The following SUGCT variants were observed in gnomAD, a reference collection of about 807,000 sequenced individuals.
The protein encoded by SUGCT is succinyl-CoA:glutarate-CoA transferase.
In SUGCT, 41 loss-of-function variants were observed where a neutral mutation model predicts 55.0. The ratio of observed to expected loss-of-function variants is 0.74; its 90% CI spans 0.58 to 0.97. The LOEUF (loss-of-function observed/expected upper bound fraction) is 0.97, where lower values mean the gene tolerates loss of function less well. Among genes scored for constraint, SUGCT ranks in the 50% least tolerant of loss-of-function variants. The pLI, the probability that SUGCT is intolerant of heterozygous loss-of-function variation, is 0.00. For synonymous variants in SUGCT, 187 were observed against 200.4 expected (o/e 0.93, Z 0.56); for missense variants, 568 against 547.8 (o/e 1.04, Z -0.37).
the SUGCT span, among the ~76,000 whole-genome samples, chr7:41,001,223 A>T: frequency 6.6e-6 from 1 of 152,232 alleles, no homozygotes. Flanking sequence ...TGGCACTTCA[A>T]CATTTAAGGT....
chr7:40,191,085 C>T (rs565340257), intron 5 of SUGCT, among the ~76,000 whole-genome samples: 10 of 152,270 alleles, frequency 6.6e-5, no homozygotes, highest in South Asian at 4.1e-4. Flanking sequence ...GGCGCGATCT[C>T]GGCTCACTGC....
chr7:40,254,502 A>G (rs949029505), intron 7 of SUGCT, among the ~76,000 whole-genome samples: 3 of 151,848 alleles, frequency 2.0e-5, no homozygotes, highest in African/African-American at 7.2e-5. Context: ...GATTCAAGCA[A>G]TTCTCCTGTC....
downstream of SUGCT, among the ~76,000 whole-genome samples, chr7:40,861,693 T>C (rs1288992039): frequency 6.6e-6 from 1 of 152,274 alleles, no homozygotes; most frequent in Non-Finnish European, 1.5e-5. Context: ...GCCTAAGATG[T>C]TTCTAGAATG....
chr7:40,295,042 T>C (rs1352551837), intron 8 of SUGCT, among the ~76,000 whole-genome samples: 1 of 152,182 alleles, frequency 6.6e-6, no homozygotes, highest in Non-Finnish European at 1.5e-5. Flanking sequence ...TTGAAATGTG[T>C]AACAGATATA....
chr7:40,942,219 T>G, the SUGCT span, among the ~76,000 whole-genome samples: 1 of 152,182 alleles, frequency 6.6e-6, no homozygotes, highest in South Asian at 2.1e-4. Context: ...TTTCAAGATT[T>G]AGAATTCCTT....
intron 13 of SUGCT, among the ~76,000 whole-genome samples, chr7:40,834,465 G>A (rs529177090): frequency 3.3e-5 from 5 of 152,270 alleles, no homozygotes; most frequent in African/African-American, 1.2e-4. Flanking sequence ...GGAGCAATGG[G>A]CCACATTAAC....
intron 9 of SUGCT, among the ~76,000 whole-genome samples, chr7:40,377,127 C>CT (rs1784589268): frequency 1.7e-4 from 1 of 5,878 alleles, no homozygotes; most frequent in Non-Finnish European, 6.6e-4. Context: ...TTTCAGCCTT[C>CT]CTCTTTCTTT....
At chr7:40,836,992 T>C (rs1425452908) in intron 13 of SUGCT, among the ~76,000 whole-genome samples, 3 of 152,204 alleles carry the variant, frequency 2.0e-5, no homozygotes, top group Non-Finnish European at 4.4e-5. Flanking sequence ...AATGCCTGTA[T>C]ATTTTTGAAA....
intron 12 of SUGCT, among the ~76,000 whole-genome samples, chr7:40,629,692 T>A (rs1291291238): frequency 6.6e-6 from 1 of 152,114 alleles, no homozygotes; most frequent in Admixed American, 6.5e-5. Flanking sequence ...GTGATGAGAG[T>A]TAATGACTGC....
chr7:40,341,435 G>A (rs568824361), intron 9 of SUGCT, among the ~76,000 whole-genome samples: 111 of 152,288 alleles, frequency 7.3e-4, no homozygotes, highest in African/African-American at 2.6e-3. Context: ...AGTGTAGAAT[G>A]TATGCGCCTG....
chr7:40,303,610 A>G (rs1279684406), intron 8 of SUGCT, among the ~76,000 whole-genome samples: 1 of 151,978 alleles, frequency 6.6e-6, no homozygotes, highest in Non-Finnish European at 1.5e-5. Context: ...CAGCCTCCTG[A>G]GTAGATGGGA....
intron 7 of SUGCT, among the ~76,000 whole-genome samples, chr7:40,250,261 G>T (rs903400417): frequency 6.6e-6 from 1 of 151,940 alleles, no homozygotes; most frequent in Non-Finnish European, 1.5e-5. Context: ...TTAGCGGGGC[G>T]TGGAGGTGCC....
intron 12 of SUGCT, among the ~76,000 whole-genome samples, chr7:40,568,795 T>C (rs1376440828): frequency 6.6e-6 from 1 of 152,184 alleles, no homozygotes; most frequent in African/African-American, 2.4e-5. Flanking sequence ...AAAAGAAAAA[T>C]AGCTTCCTTT....
At chr7:40,967,290 A>G in the SUGCT span, 3 of 152,338 alleles carry the variant, frequency 2.0e-5, no homozygotes, top group African/African-American at 7.2e-5. Context: ...TATCCTTGCC[A>G]TAGCTGGAAA....
intron 12 of SUGCT, among the ~76,000 whole-genome samples, chr7:40,650,836 G>A (rs1181182044): frequency 1.3e-5 from 2 of 152,106 alleles, no homozygotes; most frequent in African/African-American, 4.8e-5. Flanking sequence ...AAGCCAGCAT[G>A]CATTAGCTAT....
At chr7:41,018,655 C>T in the SUGCT span, among the ~76,000 whole-genome samples, 91 of 152,268 alleles carry the variant, frequency 6.0e-4, no homozygotes, top group African/African-American at 1.7e-3. Flanking sequence ...CATGGGACTC[C>T]GTAAGTTTCA....
At chr7:40,316,711 T>G in intron 8 of SUGCT, 49 bp from the exon 9 acceptor site, 1 of 1,201,692 alleles carries the variant, frequency 8.3e-7, no homozygotes, top group South Asian at 1.3e-5. Context: ...TTTATGAGTA[T>G]AGATAAACTA....
chr7:40,660,846 T>C (rs1174723581), intron 12 of SUGCT, among the ~76,000 whole-genome samples: 1 of 152,206 alleles, frequency 6.6e-6, no homozygotes, highest in Admixed American at 6.5e-5. Flanking sequence ...TTTCAGTTCC[T>C]CACCATTCTC....
intron 1 of SUGCT, among the ~76,000 whole-genome samples, chr7:40,137,988 A>G (rs745505942): frequency 1.6e-4 from 24 of 152,086 alleles, no homozygotes; most frequent in Non-Finnish European, 3.1e-4. Context: ...CCAGCCAGTT[A>G]TGATTTTGTT....
Sources: gnomAD v4.1 joint callset for allele counts (sites outside exome capture counted in the v4.1 genomes callset) on GRCh38, gnomAD v4.1.1 for gene constraint, MANE v1.5 for transcripts, NCBI Gene and HGNC (gene_info 2026-07-23, HGNC 2026-07-21) for gene names.